DIP2C: variants seen among roughly 807,000 people sequenced by gnomAD.
The protein encoded by DIP2C is DIP2 acetate--CoA ligase C (putative), also known as disco-interacting protein 2 homolog C.
In DIP2C, 33 loss-of-function variants were observed where a neutral mutation model predicts 192.4. The ratio of observed to expected loss-of-function variants is 0.17; its 90% CI spans 0.13 to 0.23. The LOEUF (loss-of-function observed/expected upper bound fraction) is 0.23. Ranked by LOEUF, DIP2C falls within the 10% of genes least tolerant of loss-of-function variation. The pLI is 1.00. For missense variants in DIP2C, 1,537 were observed against 2,110.1 expected, an observed-to-expected ratio of 0.73 and a Z score of 5.32; for synonymous variants, 979 against 864.1, an observed-to-expected ratio of 1.13 and a Z score of -2.33.
At chr10:677,384 A>G (rs1263269838) in intron 1 of DIP2C, among the ~76,000 whole-genome samples, 2 of 152,188 alleles carry the variant, frequency 1.3e-5, no homozygotes, top group African/African-American at 4.8e-5. Flanking sequence ...ATTTACTCCA[A>G]CTGCCCCCTT....
intron 4 of DIP2C, among the ~76,000 whole-genome samples, chr10:423,822 T>C (rs1310208033): frequency 7.9e-5 from 12 of 152,168 alleles, no homozygotes; most frequent in Admixed American, 7.2e-4. Flanking sequence ...GAGCAGCCCC[T>C]CCACCTCCCC....
chr10:599,685 C>G (rs11253274), intron 1 of DIP2C, among the ~76,000 whole-genome samples: 5,080 of 152,288 alleles, frequency 0.033, 163 homozygotes, highest in African/African-American at 0.08. Context: ...GCCACAGAGC[C>G]CAGAGCTCCA....
chr10:681,599 T>G (rs1320289604), intron 1 of DIP2C, among the ~76,000 whole-genome samples: 1 of 151,024 alleles, frequency 6.6e-6, no homozygotes, highest in African/African-American at 2.4e-5. Context: ...AGACCCTTAG[T>G]CACATGGTAC....
Position 363,127 on chromosome 10 carries a change from T to C in DIP2C, c.2592+70A>G. The C allele has an allele frequency of 1.4e-6, 2 of 1,394,264 alleles. No individual in the cohort carries two copies. Among genetic ancestry groups the C allele is most frequent in the East Asian group, 2.4e-5 (1 of 41,912 alleles). 86.4% of individuals were successfully genotyped at this position (1,394,264 alleles called of 1,614,324 possible). On this transcript the variant is annotated intron_variant, in intron 21 of 36. Transcript: ENST00000280886. This position sits in a 1 kb window ranked among gnomAD's most constrained non-coding sequence, Gnocchi z 5.4. ...GGCAAAGCAACAGCTGGTCACACCA[T>C]GATCTGAATGAAGTAAGGAGGCCAG...
intron 1 of DIP2C, among the ~76,000 whole-genome samples, chr10:659,977 C>T (rs932063032): frequency 9.9e-5 from 15 of 152,166 alleles, no homozygotes; most frequent in African/African-American, 3.4e-4. Context: ...CACAGTGGAA[C>T]GGACCAGAGA....
chr10:612,523 GC>G (rs1428937482), intron 1 of DIP2C, among the ~76,000 whole-genome samples: 1 of 152,148 alleles, frequency 6.6e-6, no homozygotes, highest in East Asian at 1.9e-4. Flanking sequence ...AGACCTCAAG[GC>G]AAAATTTTTC....
intron 3 of DIP2C, among the ~76,000 whole-genome samples, chr10:467,217 T>C (rs915581898): frequency 6.6e-6 from 1 of 152,084 alleles, no homozygotes; most frequent in Non-Finnish European, 1.5e-5. Context: ...AATGATGAGT[T>C]CATGTCCTTT....
intron 1 of DIP2C, among the ~76,000 whole-genome samples, chr10:536,767 C>G (rs181259174): frequency 2.0e-5 from 3 of 152,314 alleles, no homozygotes; most frequent in Admixed American, 1.3e-4. Context: ...CTGATTAAAC[C>G]TTCTTTCCAG....
intron 1 of DIP2C, among the ~76,000 whole-genome samples, chr10:625,161 T>G (rs1854118359): frequency 6.6e-6 from 1 of 152,150 alleles, no homozygotes; most frequent in Non-Finnish European, 1.5e-5. Context: ...CTGTTTACGC[T>G]GACAATTACA....
rs369097650 is a variant in DIP2C, at chr10:305,337, G to GAC, written c.3986+4692_3986+4693dup. Among the ~76,000 whole-genome samples, 24 of 152,246 alleles carry GAC rather than the reference G, an allele frequency of 1.6e-4. No homozygotes were observed. In the East Asian group the frequency reaches 4.1e-3, roughly 26 times the overall value. ...CACAGCACACTCACACATGCACTGA[G>GAC]ACACACACACAAGGACCTGATCGGG... On this transcript the variant is annotated intron_variant, in intron 32 of 36. Coordinates refer to ENST00000280886, the MANE Select transcript of DIP2C (RefSeq NM_014974.3).
chr10:277,162 T>C lies in DIP2C; in HGVS notation c.*163A>G. On this transcript the variant is annotated 3_prime_UTR_variant, in exon 37 of 37. Coordinates refer to ENST00000280886, the MANE Select transcript of DIP2C (RefSeq NM_014974.3). ...AATTCACATTTCACCCCCATGCCAA[T>C]CGTGGCTGCTGTGAGAAGTCCTCTT... 9.8e-7 allele frequency: 1 copy of C among 1,021,892 alleles called. No individual in the cohort carries two copies. The highest frequency in any genetic ancestry group is 1.4e-6 in the Non-Finnish European group (1 of 719,926). The allele number at this position is 1,021,892 out of a possible 1,614,324, so 63.3% of individuals were successfully genotyped here. A position where few individuals can be genotyped will look rare whatever the true frequency, so the allele number is the denominator to read the frequency against.
Position 277,315 on chromosome 10 carries a change from A to C in DIP2C, c.*10T>G. 1 of 1,613,210 alleles carries C rather than the reference A, an allele frequency of 6.2e-7. No homozygotes were observed. The highest frequency in any genetic ancestry group is 8.5e-7 in the Non-Finnish European group (1 of 1,179,600). On this transcript the variant is annotated 3_prime_UTR_variant, in exon 37 of 37. Coordinates refer to ENST00000280886, the MANE Select transcript of DIP2C (RefSeq NM_014974.3). ...TCTCTAGAAAAGTCCATGGAAGCCA[A>C]GAGACGAGACTACATGTTGTAGGCC...
intron 1 of DIP2C, among the ~76,000 whole-genome samples, chr10:519,767 C>G (rs1846582895): frequency 6.6e-6 from 1 of 152,262 alleles, no homozygotes; most frequent in Non-Finnish European, 1.5e-5. Flanking sequence ...CTCTGCATGT[C>G]TAGTTACAAA....
chr10:422,673 C>G, intron 5 of DIP2C, 151 bp downstream of exon 5: 1 of 930,540 alleles, frequency 1.1e-6, no homozygotes, highest in South Asian at 1.8e-5. Context: ...AAGCAGCTTC[C>G]AGAAACAATC....
At chr10:320,502 C>A (rs1956957779) in intron 31 of DIP2C, among the ~76,000 whole-genome samples, 1 of 144,612 alleles carries the variant, frequency 6.9e-6, no homozygotes, top group African/African-American at 2.7e-5. Flanking sequence ...GAGCAAGACT[C>A]CGTCTCAAAA....
At chr10:470,650 G>T (rs1970554531) in intron 3 of DIP2C, among the ~76,000 whole-genome samples, 1 of 152,198 alleles carries the variant, frequency 6.6e-6, no homozygotes, top group African/African-American at 2.4e-5. Context: ...TAAACACAGG[G>T]TTTATCAACA....
intron 1 of DIP2C, among the ~76,000 whole-genome samples, chr10:612,803 T>C (rs570251399): frequency 7.2e-5 from 11 of 152,366 alleles, no homozygotes; most frequent in Non-Finnish European, 1.5e-4. Flanking sequence ...GAGACAAATA[T>C]TGACGCTCCA....
intron 1 of DIP2C, among the ~76,000 whole-genome samples, chr10:533,303 C>G (rs1227947546): frequency 6.6e-6 from 1 of 152,128 alleles, no homozygotes; most frequent in Admixed American, 6.5e-5. Context: ...ATCTGCTTTC[C>G]AGAACATCTA....
At chr10:393,656 G>A (rs1963670937) in intron 10 of DIP2C, among the ~76,000 whole-genome samples, 1 of 151,822 alleles carries the variant, frequency 6.6e-6, no homozygotes, top group African/African-American at 2.4e-5. Flanking sequence ...GTACGCGCCT[G>A]TAATCCCAGC....
Sources: allele counts gnomAD v4.1 joint callset (sites outside exome capture counted in the v4.1 genomes callset), GRCh38; gene constraint gnomAD v4.1.1; non-coding constraint Gnocchi (gnomAD v3.1); transcripts MANE v1.5; gene names NCBI Gene and HGNC (gene_info 2026-07-23, HGNC 2026-07-21).